The following BRI3BP variants were observed in gnomAD, a reference collection of about 807,000 sequenced individuals.
The protein encoded by BRI3BP is BRI3-binding protein.
Under a neutral mutation model 15.8 loss-of-function variants are expected in BRI3BP, and 7 were observed. The ratio of observed to expected loss-of-function variants is 0.44; its 90% confidence interval spans 0.25 to 0.83. The LOEUF is 0.83. BRI3BP is among the 40% of genes least tolerant of loss of function. BRI3BP has a pLI of 0.20. For synonymous variants in BRI3BP, 192 were observed against 163.5 expected, an observed-to-expected ratio of 1.17 and a Z score of -1.33; for missense variants, 320 against 339.3, an observed-to-expected ratio of 0.94 and a Z score of 0.45.
chr12:125,001,303 G>A (rs1181367290), intron 1 of BRI3BP, among the ~76,000 whole-genome samples: 5 of 151,934 alleles, frequency 3.3e-5, no homozygotes, highest in Admixed American at 6.6e-5. Flanking sequence ...TGATCTGCCC[G>A]GCTCGGCCTC....
chr12:125,045,347 C>CT, the BRI3BP span, among the ~76,000 whole-genome samples: 5 of 151,258 alleles, frequency 3.3e-5, no homozygotes, highest in Admixed American at 6.6e-5. Context: ...ATGTTTTCTT[C>CT]TTTTTTTTTG....
downstream of BRI3BP, among the ~76,000 whole-genome samples, chr12:125,031,891 C>T (rs915653860): frequency 6.6e-6 from 1 of 152,090 alleles, no homozygotes; most frequent in African/African-American, 2.4e-5. Context: ...TTTACCTTGA[C>T]CAAGTATAAT....
At chr12:125,039,856 T>G in the BRI3BP span, among the ~76,000 whole-genome samples, 1 of 152,200 alleles carries the variant, frequency 6.6e-6, no homozygotes, top group Non-Finnish European at 1.5e-5. Flanking sequence ...ACAATGGAAT[T>G]TTCTAGAGGC....
chr12:124,999,032 C>T (rs1185222604), intron 1 of BRI3BP, among the ~76,000 whole-genome samples: 2 of 152,214 alleles, frequency 1.3e-5, no homozygotes, highest in African/African-American at 2.4e-5. Flanking sequence ...GAGCTGTGAT[C>T]ACACCACTGT....
chr12:125,016,314 AAG>A (rs890340899), intron 2 of BRI3BP, among the ~76,000 whole-genome samples: 4 of 151,502 alleles, frequency 2.6e-5, no homozygotes, highest in African/African-American at 9.7e-5. Flanking sequence ...TCTGGTAAAA[AAG>A]GTTTCTGTGA....
intron 2 of BRI3BP, among the ~76,000 whole-genome samples, chr12:125,021,443 C>T (rs1433619953): frequency 6.6e-6 from 1 of 152,122 alleles, no homozygotes; most frequent in Non-Finnish European, 1.5e-5. Context: ...TGCCTCACAC[C>T]TATAATCCCA....
intron 2 of BRI3BP, among the ~76,000 whole-genome samples, chr12:125,020,247 A>C (rs896103897): frequency 1.1e-4 from 17 of 152,294 alleles, no homozygotes; most frequent in Admixed American, 2.6e-4. Flanking sequence ...TGCCCGGCCT[A>C]ACAGACATTT....
At chr12:125,050,289 G>T in the BRI3BP span, among the ~76,000 whole-genome samples, 2 of 151,916 alleles carry the variant, frequency 1.3e-5, no homozygotes, top group Non-Finnish European at 2.9e-5. Flanking sequence ...GGCAGAGGTT[G>T]CAGTGAGCCG....
At chr12:125,002,613 C>T (rs569700388) in intron 1 of BRI3BP, among the ~76,000 whole-genome samples, 6 of 152,226 alleles carry the variant, frequency 3.9e-5, no homozygotes, top group Non-Finnish European at 5.9e-5. Flanking sequence ...CCCGCCACCA[C>T]GCCCAGCTAA....
At chr12:125,003,729 G>A (rs1955116269) in intron 1 of BRI3BP, among the ~76,000 whole-genome samples, 1 of 152,022 alleles carries the variant, frequency 6.6e-6, no homozygotes, top group Non-Finnish European at 1.5e-5. Flanking sequence ...GAGGCGGGTG[G>A]GTCACTAGAG....
chr12:125,051,104 C>T, the BRI3BP span, among the ~76,000 whole-genome samples: 1 of 152,208 alleles, frequency 6.6e-6, no homozygotes, highest in Admixed American at 6.5e-5. Flanking sequence ...GCATAGCAAG[C>T]TTCAGATGGC....
intron 2 of BRI3BP, among the ~76,000 whole-genome samples, chr12:125,023,153 A>G (rs926633087): frequency 9.9e-5 from 15 of 152,214 alleles, no homozygotes; most frequent in Admixed American, 2.6e-4. Flanking sequence ...ACAGAAATCC[A>G]ACATAACATT....
chr12:125,006,427 C>A (rs933772212), intron 1 of BRI3BP, among the ~76,000 whole-genome samples: 1 of 152,184 alleles, frequency 6.6e-6, no homozygotes, highest in Non-Finnish European at 1.5e-5. Flanking sequence ...GGACAGGTGC[C>A]GTTCTTTCCA....
At chr12:125,043,069 T>TAA in the BRI3BP span, among the ~76,000 whole-genome samples, 17 of 148,494 alleles carry the variant, frequency 1.1e-4, no homozygotes, top group African/African-American at 1.2e-4. Context: ...CTTGATGGGT[T>TAA]AAAAAAAAAA....
rs763267332 is a variant in BRI3BP at position 125,012,602 on chromosome 12, C to G, written c.282C>G (p.Val94=). The G allele has an allele frequency of 3.7e-6, 6 of 1,612,068 alleles. No individual in the cohort carries two copies. The highest frequency in any genetic ancestry group is 1.7e-4 in the Middle Eastern group (1 of 6,056). Reference sequence around the variant, plus strand: ...TGTTCGTGGAGACACTGTGGAAAGTCTGGACCGAGCTCTTGGATGTTCTTG... The same window carrying G: ...TGTTCGTGGAGACACTGTGGAAAGTGTGGACCGAGCTCTTGGATGTTCTTG... ...VDMFVETLWK[V]WTELLDVLGL... The change falls in exon 2 of 3, where the codon GTC becomes GTG. Residue 94 remains valine (V), a synonymous_variant. Coordinates refer to ENST00000341446, the MANE Select transcript of BRI3BP (RefSeq NM_080626.6).
At chr12:125,044,000 A>G in the BRI3BP span, among the ~76,000 whole-genome samples, 9 of 150,728 alleles carry the variant, frequency 6.0e-5, no homozygotes, top group African/African-American at 2.2e-4. Flanking sequence ...ACTCCAGCCT[A>G]GGTGACACAG....
At chr12:125,035,785 C>A (rs146843919), downstream of BRI3BP, among the ~76,000 whole-genome samples, 17 of 152,178 alleles carry the variant, frequency 1.1e-4, no homozygotes, top group African/African-American at 4.1e-4. Flanking sequence ...CTGAAGCTAG[C>A]CATCTTTCAT....
Position 124,993,958 on chromosome 12 carries a change from C to A in BRI3BP, c.168C>A (p.Ser56Arg), listed in dbSNP as rs1467931488. 2.7e-5 allele frequency: 37 copies of A among 1,362,418 alleles called. No homozygotes were observed. The highest frequency in any genetic ancestry group is 3.5e-5 in the Non-Finnish European group (37 of 1,044,232). The allele number at this position is 1,362,418 out of a possible 1,614,324, so 84.4% of individuals were successfully genotyped here. The change falls in exon 1 of 3, where the codon AGC (serine) becomes AGA (arginine). Residue 56 changes from serine (S) to arginine (R), a missense_variant. Physicochemically the swap from Ser to Arg is moderately radical, Grantham distance 110. Transcript: ENST00000341446. ...YRRTVNTFSQ[S>R]VSSLFGEDNV... ...GCACGGTCAACACCTTCTCCCAGAG[C>A]GTCAGCAGCCTGTTCGGCGAGGACA...
chr12:125,031,568 C>CTTTCT (rs1261471537), downstream of BRI3BP, among the ~76,000 whole-genome samples: 4 of 117,046 alleles, frequency 3.4e-5, no homozygotes, highest in Non-Finnish European at 6.9e-5. Flanking sequence ...CAATCCTTTT[C>CTTTCT]TTTCTATTTT....
Sources: allele counts gnomAD v4.1 joint callset (sites outside exome capture counted in the v4.1 genomes callset), GRCh38; gene constraint gnomAD v4.1.1; transcripts MANE v1.5; gene names NCBI Gene and HGNC (gene_info 2026-07-23, HGNC 2026-07-21).